ZBTB7C: variants seen among roughly 807,000 people sequenced by gnomAD.
The protein encoded by ZBTB7C is zinc finger and BTB domain-containing protein 7C.
ZBTB7C carries 8 observed loss-of-function variants against 25.7 expected under a neutral mutation model. That is an observed-to-expected ratio of 0.31 (90% CI 0.18 to 0.56). ZBTB7C has a LOEUF of 0.56. ZBTB7C is among the 20% of genes least tolerant of loss of function. ZBTB7C has a pLI of 0.91. For synonymous variants in ZBTB7C, 394 were observed against 369.0 expected (o/e 1.07, Z -0.78); for missense variants, 824 against 855.2 (o/e 0.96, Z 0.46).
chr18:48,085,858 C>T (rs929011670), intron 3 of ZBTB7C, among the ~76,000 whole-genome samples: 1 of 152,232 alleles, frequency 6.6e-6, no homozygotes, highest in African/African-American at 2.4e-5. Context: ...GCTCCAGCAG[C>T]AGATTCAGTG....
At chr18:48,159,844 G>A (rs753650453) in intron 3 of ZBTB7C, among the ~76,000 whole-genome samples, 13 of 152,182 alleles carry the variant, frequency 8.5e-5, no homozygotes, top group Non-Finnish European at 1.5e-4. Flanking sequence ...TTCACAGAGC[G>A]CTGGGCAGCC....
chr18:48,342,557 G>C (rs16949106), intron 1 of ZBTB7C, among the ~76,000 whole-genome samples: 38,319 of 152,158 alleles, frequency 0.25, 5,114 homozygotes, highest in Middle Eastern at 0.34. Flanking sequence ...CCTAGAGAGT[G>C]TAATCAATTC....
chr18:48,239,848 G>C (rs1042795262), intron 2 of ZBTB7C, among the ~76,000 whole-genome samples: 2 of 152,062 alleles, frequency 1.3e-5, no homozygotes, highest in African/African-American at 4.8e-5. Context: ...CACCAGCAAT[G>C]GATCCAAACC....
intron 3 of ZBTB7C, among the ~76,000 whole-genome samples, chr18:48,172,834 A>G (rs574444151): frequency 6.6e-6 from 1 of 152,012 alleles, no homozygotes; most frequent in South Asian, 2.1e-4. Flanking sequence ...GGGTCAGCAC[A>G]GTTCAGGGAG....
intron 3 of ZBTB7C, among the ~76,000 whole-genome samples, chr18:48,089,487 A>C (rs1174135744): frequency 6.6e-6 from 1 of 151,810 alleles, no homozygotes; most frequent in Non-Finnish European, 1.5e-5. Context: ...TCGAAAAAAA[A>C]AAAAAAAAGA....
intron 2 of ZBTB7C, among the ~76,000 whole-genome samples, chr18:48,213,379 T>G (rs2042746882): frequency 6.6e-6 from 1 of 152,184 alleles, no homozygotes; most frequent in Non-Finnish European, 1.5e-5. Context: ...CCCCAGTCAC[T>G]CTTGAGCTGA....
chr18:48,160,932 C>A (rs983549978), intron 3 of ZBTB7C, among the ~76,000 whole-genome samples: 3 of 129,384 alleles, frequency 2.3e-5, no homozygotes, highest in Non-Finnish European at 4.8e-5. Context: ...CCATTTGAGA[C>A]AAGTTTTTTT....
chr18:48,401,159 G>C (rs2048147879), intron 1 of ZBTB7C, among the ~76,000 whole-genome samples: 1 of 152,200 alleles, frequency 6.6e-6, no homozygotes, highest in Admixed American at 6.5e-5. Context: ...AATTCCTGTA[G>C]GCTGGGATTT....
chr18:48,187,880 G>A (rs912164488), intron 2 of ZBTB7C, among the ~76,000 whole-genome samples: 2 of 151,636 alleles, frequency 1.3e-5, no homozygotes, highest in South Asian at 2.1e-4. Flanking sequence ...GGGCTGGGCA[G>A]GGAGAGGAGA....
chr18:48,236,164 C>T (rs1364442918), intron 2 of ZBTB7C, among the ~76,000 whole-genome samples: 1 of 152,142 alleles, frequency 6.6e-6, no homozygotes, highest in East Asian at 1.9e-4. Context: ...CATATCTACT[C>T]GTTAGTTCAC....
rs960546551 is a variant in ZBTB7C at position 48,027,613 on chromosome 18, T to C, written c.*1647A>G. 5.3e-5 allele frequency: 8 copies of C among 151,922 alleles called. No individual in the cohort carries two copies. The highest frequency in any genetic ancestry group is 4.1e-4 in the South Asian group (2 of 4,822). The allele number at this position is 151,922 out of a possible 1,614,324, so 9.4% of individuals were successfully genotyped here. ...GAATCAGGGGGTCTCTTCTGGAGAG[T>C]TGTGAGAGGGACAGAGTCTGTGCTC... On this transcript the variant is annotated 3_prime_UTR_variant, in exon 5 of 5. Coordinates refer to ENST00000590800, the MANE Select transcript of ZBTB7C (RefSeq NM_001318841.2).
chr18:48,177,118 C>A lies in ZBTB7C; in HGVS notation c.-17+8816G>T, dbSNP rs534258132. On this transcript the variant is annotated intron_variant, in intron 3 of 4. Coordinates refer to ENST00000590800, the MANE Select transcript of ZBTB7C (RefSeq NM_001318841.2). ...GCATAAACCCCTTTAGGGCACAGAG[C>A]TGAGAGCTGTCTACATTTCCAAGAG... Among the ~76,000 whole-genome samples, 4 of 152,360 alleles carry A rather than the reference C, an allele frequency of 2.6e-5. No individual in the cohort carries two copies. The East Asian group carries it at 7.7e-4, about 29-fold the overall frequency.
chr18:48,156,590 C>G (rs142787555), intron 3 of ZBTB7C, among the ~76,000 whole-genome samples: 2 of 152,176 alleles, frequency 1.3e-5, no homozygotes, highest in African/African-American at 2.4e-5. Flanking sequence ...ATGGAGCCAC[C>G]AGATTGAAGC....
rs73433307 is a variant in ZBTB7C, at chr18:48,201,408, G to A, written c.-78-15413C>T. 6.1e-3 allele frequency among the ~76,000 whole-genome samples: 925 copies of A among 152,228 alleles called. 6 individuals carry two copies. The highest frequency in any genetic ancestry group is 0.02 in the African/African-American group (843 of 41,542). On this transcript the variant is annotated intron_variant, in intron 2 of 4. Transcript: ENST00000590800. ...TCTTTGTATCTTTATAAACTTGATC[G>A]GGGCTCCTCTGATGTCCATTCCTGT...
At chr18:48,190,222 CAAG>C (rs761966352) in intron 2 of ZBTB7C, among the ~76,000 whole-genome samples, 29 of 152,116 alleles carry the variant, frequency 1.9e-4, no homozygotes, top group Non-Finnish European at 3.2e-4. Flanking sequence ...TTATCAGGAG[CAAG>C]AAGAAGACTA....
chr18:48,358,391 C>A (rs1000511366), intron 1 of ZBTB7C, among the ~76,000 whole-genome samples: 1 of 152,090 alleles, frequency 6.6e-6, no homozygotes, highest in African/African-American at 2.4e-5. Flanking sequence ...TCTGCCCTGT[C>A]TCTCTTGCTC....
intron 2 of ZBTB7C, among the ~76,000 whole-genome samples, chr18:48,228,803 A>G (rs992423581): frequency 6.6e-6 from 1 of 151,702 alleles, no homozygotes; most frequent in Non-Finnish European, 1.5e-5. Flanking sequence ...GTACATGAAC[A>G]CACCCCCATG....
chr18:48,380,269 T>C (rs1449953820), intron 1 of ZBTB7C, among the ~76,000 whole-genome samples: 2 of 152,140 alleles, frequency 1.3e-5, no homozygotes, highest in African/African-American at 4.8e-5. Flanking sequence ...TGATAGAGTT[T>C]TTTCCCATGA....
At chr18:48,065,122 G>A (rs1231264493) in intron 3 of ZBTB7C, among the ~76,000 whole-genome samples, 1 of 126,036 alleles carries the variant, frequency 7.9e-6, no homozygotes, top group Non-Finnish European at 1.7e-5. Flanking sequence ...AGTGCCCCCC[G>A]CCCCCTCCCT....
Sources: allele counts gnomAD v4.1 joint callset (sites outside exome capture counted in the v4.1 genomes callset), GRCh38; gene constraint gnomAD v4.1.1; transcripts MANE v1.5; gene names NCBI Gene and HGNC (gene_info 2026-07-23, HGNC 2026-07-21).